FSTL5: variants seen among roughly 807,000 people sequenced by gnomAD.
FSTL5 encodes follistatin-related protein 5.
A neutral mutation model predicts 89.1 loss-of-function variants in FSTL5; 62 were observed. The ratio of observed to expected loss-of-function variants is 0.70; its 90% CI spans 0.57 to 0.86. FSTL5 has a LOEUF of 0.86. Ranked by LOEUF, FSTL5 falls within the 40% of genes least tolerant of loss-of-function variation. The pLI is 0.00. For missense variants in FSTL5, 1,057 were observed against 1,001.6 expected, an observed-to-expected ratio of 1.06 and a Z score of -0.75; for synonymous variants, 383 against 346.2, an observed-to-expected ratio of 1.11 and a Z score of -1.18.
intron 7 of FSTL5, among the ~76,000 whole-genome samples, chr4:161,589,573 C>T (rs28785174): frequency 0.47 from 70,722 of 151,722 alleles, 16,893 homozygotes; most frequent in East Asian, 0.72. Flanking sequence ...CTGCTTCAGC[C>T]ACCCAAGGTG....
intron 3 of FSTL5, among the ~76,000 whole-genome samples, chr4:161,954,131 CA>C (rs987342671): frequency 6.6e-6 from 1 of 151,176 alleles, no homozygotes; most frequent in Non-Finnish European, 1.5e-5. Flanking sequence ...ACATTTAAAA[CA>C]AAAAAATGAA....
intron 7 of FSTL5, among the ~76,000 whole-genome samples, chr4:161,597,290 C>G (rs958134194): frequency 1.3e-5 from 2 of 152,060 alleles, no homozygotes; most frequent in Non-Finnish European, 2.9e-5. Context: ...AACAGGGAAT[C>G]CTTTCCCCAT....
chr4:161,918,445 T>C (rs2110854853), intron 4 of FSTL5, among the ~76,000 whole-genome samples: 1 of 152,206 alleles, frequency 6.6e-6, no homozygotes, highest in Admixed American at 6.5e-5. Context: ...TAAGTAACAA[T>C]AGATCTCATA....
At chr4:161,964,547 C>T (rs567770729) in intron 3 of FSTL5, among the ~76,000 whole-genome samples, 10 of 151,934 alleles carry the variant, frequency 6.6e-5, no homozygotes, top group East Asian at 1.9e-4. Context: ...TTTAATATAG[C>T]GGAGTGGGAG....
At chr4:161,950,295 A>C (rs930619718) in intron 3 of FSTL5, among the ~76,000 whole-genome samples, 2 of 152,134 alleles carry the variant, frequency 1.3e-5, no homozygotes, top group Admixed American at 1.3e-4. Context: ...TACCTATTTT[A>C]ATTCCTGAGG....
intron 15 of FSTL5, among the ~76,000 whole-genome samples, chr4:161,433,575 G>C (rs1167517111): frequency 6.8e-6 from 1 of 146,642 alleles, no homozygotes; most frequent in Non-Finnish European, 1.5e-5. Context: ...TCAAACAAGA[G>C]AAAGAAATAA....
At chr4:161,797,672 T>G (rs1729672479) in intron 4 of FSTL5, among the ~76,000 whole-genome samples, 1 of 151,576 alleles carries the variant, frequency 6.6e-6, no homozygotes, top group Non-Finnish European at 1.5e-5. Flanking sequence ...GTAGGCTATT[T>G]TACAAGTCCT....
intron 13 of FSTL5, among the ~76,000 whole-genome samples, chr4:161,462,285 G>A (rs148575973): frequency 1.3e-3 from 196 of 152,232 alleles, no homozygotes; most frequent in African/African-American, 4.5e-3. Context: ...TTTATTCCTG[G>A]GAATGTGTGG....
intron 6 of FSTL5, among the ~76,000 whole-genome samples, chr4:161,724,989 G>T (rs1274145141): frequency 6.6e-6 from 1 of 152,130 alleles, no homozygotes; most frequent in Non-Finnish European, 1.5e-5. Context: ...AAGGTTAAGA[G>T]ATCGAGGCCA....
intron 2 of FSTL5, among the ~76,000 whole-genome samples, chr4:162,067,726 AG>A (rs1485001210): frequency 6.6e-6 from 1 of 152,116 alleles, no homozygotes; most frequent in Non-Finnish European, 1.5e-5. Flanking sequence ...AAAGAAATAA[AG>A]GGTATTCAAA....
At position 161,868,365 on chromosome 4, in the gene FSTL5, G is replaced by A. The variant is rs140088001; in HGVS notation, c.409+52039C>T. Among the ~76,000 whole-genome samples, 325 of 151,998 alleles carry A rather than the reference G, an allele frequency of 2.1e-3. 1 individual carries two copies. The highest frequency in any genetic ancestry group is 5.0e-3 in the African/African-American group (207 of 41,478). ...TACGGTTGTCACCTTCCCTTTTACCGTTTCAAATCAGCTAACATCTCTTGT... is the reference window on the plus strand; with the variant it reads ...TACGGTTGTCACCTTCCCTTTTACCATTTCAAATCAGCTAACATCTCTTGT... On this transcript the variant is annotated intron_variant, in intron 4 of 15. Coordinates refer to ENST00000306100, the MANE Select transcript of FSTL5 (RefSeq NM_020116.5).
chr4:161,900,364 G>A, intron 4 of FSTL5, among the ~76,000 whole-genome samples: 1 of 152,082 alleles, frequency 6.6e-6, no homozygotes, highest in Non-Finnish European at 1.5e-5. Flanking sequence ...TTCTCAGCAA[G>A]AACAGAAACT....
intron 7 of FSTL5, among the ~76,000 whole-genome samples, chr4:161,649,990 C>T (rs971137134): frequency 4.6e-5 from 7 of 152,112 alleles, no homozygotes; most frequent in Admixed American, 6.6e-5. Context: ...AAAAGATAAG[C>T]GATTGAGATC....
intron 4 of FSTL5, among the ~76,000 whole-genome samples, chr4:161,872,147 T>TTTG (rs769366953): frequency 4.4e-5 from 6 of 134,904 alleles, no homozygotes; most frequent in Admixed American, 1.5e-4. Flanking sequence ...TTTGGTTTTT[T>TTTG]TTTTTTTTTT....
At chr4:162,005,222 G>C (rs1044080790) in intron 3 of FSTL5, among the ~76,000 whole-genome samples, 11 of 152,100 alleles carry the variant, frequency 7.2e-5, no homozygotes, top group Admixed American at 7.2e-4. Flanking sequence ...GTAGGCAATT[G>C]TTTGCTCATT....
chr4:161,815,308 T>G (rs1191184027), intron 4 of FSTL5, among the ~76,000 whole-genome samples: 5 of 152,094 alleles, frequency 3.3e-5, no homozygotes, highest in Non-Finnish European at 5.9e-5. Flanking sequence ...TGATAAATGA[T>G]AATTTCAGCT....
chr4:161,768,624 C>T (rs909859576), intron 5 of FSTL5, among the ~76,000 whole-genome samples: 13 of 151,946 alleles, frequency 8.6e-5, no homozygotes, highest in African/African-American at 3.1e-4. Flanking sequence ...CCGTCTATCT[C>T]TCTTATACAT....
intron 4 of FSTL5, among the ~76,000 whole-genome samples, chr4:161,876,319 A>G (rs187547066): frequency 3.3e-5 from 5 of 152,340 alleles, no homozygotes; most frequent in Non-Finnish European, 2.9e-5. Flanking sequence ...TTTCTACATT[A>G]TAATCAAGAG....
At chr4:161,931,159 T>A (rs1394660154) in intron 3 of FSTL5, among the ~76,000 whole-genome samples, 1 of 151,934 alleles carries the variant, frequency 6.6e-6, no homozygotes, top group Non-Finnish European at 1.5e-5. Context: ...ATTATGATTA[T>A]GATTGTTACA....
Sources: gnomAD v4.1 joint callset for allele counts (sites outside exome capture counted in the v4.1 genomes callset) on GRCh38, gnomAD v4.1.1 for gene constraint, MANE v1.5 for transcripts, NCBI Gene and HGNC (gene_info 2026-07-23, HGNC 2026-07-21) for gene names.